CACNA2D1: variants seen among roughly 807,000 people sequenced by gnomAD.
CACNA2D1 encodes calcium voltage-gated channel auxiliary subunit alpha2delta 1.
A neutral mutation model predicts 171.5 loss-of-function variants in CACNA2D1; 53 were observed. The ratio of observed to expected loss-of-function variants is 0.31; its 90% CI spans 0.25 to 0.39. The LOEUF (loss-of-function observed/expected upper bound fraction) is 0.39, where lower values mean the gene tolerates loss of function less well. Ranked by LOEUF, CACNA2D1 falls within the 10% of genes least tolerant of loss-of-function variation. The pLI, the probability that CACNA2D1 is intolerant of heterozygous loss-of-function variation, is 1.00. For missense variants in CACNA2D1, 903 were observed against 1,299.8 expected, an observed-to-expected ratio of 0.69 and a Z score of 4.69; for synonymous variants, 442 against 443.1, an observed-to-expected ratio of 1.00 and a Z score of 0.03.
chr7:81,983,283 G>T, intron 23 of CACNA2D1, 31 bp downstream of exon 23: 1 of 1,579,244 alleles, frequency 6.3e-7, no homozygotes, highest in Non-Finnish European at 8.7e-7. Flanking sequence ...GTACTAAACA[G>T]AAAGAAGTTG....
chr7:82,159,981 T>C (rs1046573632), intron 4 of CACNA2D1, among the ~76,000 whole-genome samples: 4 of 151,058 alleles, frequency 2.6e-5, no homozygotes, highest in Non-Finnish European at 5.9e-5. Flanking sequence ...ATTAAAACTT[T>C]AATATAAAGA....
At position 82,115,691 on chromosome 7, in the gene CACNA2D1, G is replaced by T. The variant is rs1033242906; in HGVS notation, c.526+1353C>A. ...TCAAAGATAAAATTTATAATAAAAA[G>T]AATCATATATGCATTAAAAATTGTT... On this transcript the variant is annotated intron_variant, in intron 6 of 38. Transcript: ENST00000356860. Among the ~76,000 whole-genome samples, 11 of 150,470 alleles carry T rather than the reference G, an allele frequency of 7.3e-5. 1 individual carries two copies. Among genetic ancestry groups the T allele is most frequent in the Non-Finnish European group, 1.3e-4 (9 of 67,574 alleles).
intron 1 of CACNA2D1, among the ~76,000 whole-genome samples, chr7:82,376,824 C>A (rs1301238112): frequency 6.6e-6 from 1 of 152,126 alleles, no homozygotes; most frequent in Non-Finnish European, 1.5e-5. Context: ...TTAAGAAAAT[C>A]TTTTAGGCGA....
intron 7 of CACNA2D1, among the ~76,000 whole-genome samples, chr7:82,081,141 C>T (rs1809713496): frequency 6.6e-6 from 1 of 152,170 alleles, no homozygotes; most frequent in South Asian, 2.1e-4. Flanking sequence ...GTAGAAGTAA[C>T]ATATGTGCTG....
rs1013336556 is a variant in CACNA2D1 at position 82,204,981 on chromosome 7, G to GCTTGGATCGGAGTCA, written c.295-34387_295-34373dup. On this transcript the variant is annotated intron_variant, in intron 3 of 38. Transcript: ENST00000356860. Reference sequence around the variant, plus strand: ...TAGGTGATCACCCAAGTGAGCTCATGCTTGGATCGGAGTCACTGTTGTCTG... The same window carrying GCTTGGATCGGAGTCA: ...TAGGTGATCACCCAAGTGAGCTCATGCTTGGATCGGAGTCACTTGGATCGGAGTCACTGTTGTCTG... Among the ~76,000 whole-genome samples, 22 of 152,312 alleles carry GCTTGGATCGGAGTCA rather than the reference G, an allele frequency of 1.4e-4. No individual in the cohort carries two copies. The Middle Eastern group carries it at 0.017, about 118-fold the overall frequency.
At chr7:82,440,459 C>T (rs181842144) in intron 1 of CACNA2D1, among the ~76,000 whole-genome samples, 5 of 151,830 alleles carry the variant, frequency 3.3e-5, no homozygotes, top group African/African-American at 7.2e-5. Context: ...AATACCAATA[C>T]GACATGTGCA....
intron 18 of CACNA2D1, among the ~76,000 whole-genome samples, chr7:82,001,435 A>G (rs1473856792): frequency 6.6e-6 from 1 of 152,174 alleles, no homozygotes; most frequent in Non-Finnish European, 1.5e-5. Flanking sequence ...TTGATTCCAT[A>G]ATTGACTTTG....
At chr7:82,319,662 A>G (rs1337781533) in intron 3 of CACNA2D1, among the ~76,000 whole-genome samples, 1 of 152,226 alleles carries the variant, frequency 6.6e-6, no homozygotes, top group Non-Finnish European at 1.5e-5. Context: ...ACCCTCTTGT[A>G]GAAAATGAGT....
chr7:82,351,561 A>C (rs2129446128), intron 1 of CACNA2D1, among the ~76,000 whole-genome samples: 1 of 152,238 alleles, frequency 6.6e-6, no homozygotes, highest in South Asian at 2.1e-4. Context: ...TTATTGAACC[A>C]CGCTGTATGA....
chr7:82,138,445 T>G lies in CACNA2D1; in HGVS notation c.355-1769A>C, dbSNP rs578245585. 4.2e-3 allele frequency among the ~76,000 whole-genome samples: 234 copies of G among 55,266 alleles called. 2 individuals carry two copies. Among genetic ancestry groups the G allele is most frequent in the African/African-American group, 0.016 (223 of 13,838 alleles). The allele number at this position is 55,266 out of a possible 152,430, so 36.3% of individuals were successfully genotyped here. On this transcript the variant is annotated intron_variant, in intron 4 of 38. Coordinates refer to ENST00000356860, the MANE Select transcript of CACNA2D1 (RefSeq NM_000722.4). ...GCATTAGTTTTGTTTTTTTTGTTTT[T>G]TTTGTTTTTTTTTTTTTTTGAGACA...
At chr7:82,211,749 G>A (rs938031452) in intron 3 of CACNA2D1, among the ~76,000 whole-genome samples, 8 of 152,056 alleles carry the variant, frequency 5.3e-5, no homozygotes, top group Non-Finnish European at 8.8e-5. Flanking sequence ...TTGGTCAAAT[G>A]GTAGTTTTGT....
chr7:82,129,019 C>T lies in CACNA2D1; in HGVS notation c.396+7616G>A, dbSNP rs1328279855. The stretch of plus-strand genomic sequence containing the variant: ...CATTTTGTTTTTAGCTTTGTGTAAG[C>T]ATGCCAAAATTTATCTGTAGATGAA... On this transcript the variant is annotated intron_variant, in intron 5 of 38. Transcript: ENST00000356860. Among the ~76,000 whole-genome samples, 3 of 152,098 alleles carry T rather than the reference C, an allele frequency of 2.0e-5. No individual in the cohort carries two copies. In the East Asian group the frequency reaches 5.8e-4, roughly 29 times the overall value.
chr7:82,143,954 A>G (rs1376413779), intron 4 of CACNA2D1, among the ~76,000 whole-genome samples: 2 of 152,296 alleles, frequency 1.3e-5, no homozygotes, highest in African/African-American at 2.4e-5. Context: ...GAAACTGTTT[A>G]TTCACCCAAT....
At chr7:82,066,050 C>T (rs1807559951) in intron 8 of CACNA2D1, among the ~76,000 whole-genome samples, 1 of 152,002 alleles carries the variant, frequency 6.6e-6, no homozygotes, top group Non-Finnish European at 1.5e-5. Context: ...ATGAATATAA[C>T]TAGGGGCAGC....
At chr7:82,005,270 G>A (rs1184393595) in intron 18 of CACNA2D1, 153 bp downstream of exon 18, 3 of 650,752 alleles carry the variant, frequency 4.6e-6, no homozygotes, top group Middle Eastern at 4.1e-4. Flanking sequence ...ATAGTATCAT[G>A]TGTGGTCCTT....
chr7:82,430,031 C>A (rs148362738), intron 1 of CACNA2D1, among the ~76,000 whole-genome samples: 2 of 152,254 alleles, frequency 1.3e-5, no homozygotes, highest in Admixed American at 6.5e-5. Flanking sequence ...AATGTCATGA[C>A]AAAGACAGGG....
chr7:82,058,784 C>T (rs1806251407), intron 10 of CACNA2D1, among the ~76,000 whole-genome samples: 1 of 152,064 alleles, frequency 6.6e-6, no homozygotes. Context: ...TTCTTCTTGC[C>T]CACATGAAGG....
intron 3 of CACNA2D1, among the ~76,000 whole-genome samples, chr7:82,194,093 CTTTA>C (rs1435135003): frequency 6.6e-6 from 1 of 151,938 alleles, no homozygotes; most frequent in Non-Finnish European, 1.5e-5. Context: ...AGCTAAATGA[CTTTA>C]TTAGAGTAAG....
rs1172108362 is a variant in CACNA2D1, at chr7:82,443,452, G to C, written c.8C>G (p.Ala3Gly). The stretch of plus-strand genomic sequence containing the variant: ...CAGAGTCAAGGCCAGCAGGCAGCCA[G>C]CAGCCATCTTCGCGATCGAAGATCA... Reference protein sequence around the residue: MAAGCLLALTLTL... With the variant: MAGGCLLALTLTL... Residue 3 changes from alanine (A) to glycine (G), a missense_variant, in exon 1 of 39, where the codon GCT (alanine) becomes GGT (glycine). Coordinates refer to ENST00000356860, the MANE Select transcript of CACNA2D1 (RefSeq NM_000722.4). 6.2e-7 allele frequency: 1 copy of C among 1,607,446 alleles called. No individual in the cohort carries two copies. Among genetic ancestry groups the C allele is most frequent in the Admixed American group, 1.7e-5 (1 of 59,490 alleles).
Sources: gnomAD v4.1 joint callset for allele counts (sites outside exome capture counted in the v4.1 genomes callset) on GRCh38, gnomAD v4.1.1 for gene constraint, MANE v1.5 for transcripts, NCBI Gene and HGNC (gene_info 2026-07-23, HGNC 2026-07-21) for gene names.